EYS: variants seen among roughly 807,000 people sequenced by gnomAD.
The protein encoded by EYS is protein eyes shut homolog.
Under a neutral mutation model 282.1 loss-of-function variants are expected in EYS, and 250 were observed. That is an observed-to-expected ratio of 0.89 (90% confidence interval 0.80 to 0.98). The LOEUF (loss-of-function observed/expected upper bound fraction) is 0.98. EYS is among the 50% of genes least tolerant of loss of function. The pLI is 0.00. For missense variants in EYS, 4,016 were observed against 3,709.0 expected (o/e 1.08, Z -2.15); for synonymous variants, 1,355 against 1,282.9 (o/e 1.06, Z -1.20).
intron 26 of EYS, among the ~76,000 whole-genome samples, chr6:64,571,381 G>A (rs1765720470): frequency 1.3e-5 from 2 of 151,988 alleles, no homozygotes; most frequent in Admixed American, 6.6e-5. Context: ...GAAAGTAAGA[G>A]CAAACAAATT....
At chr6:64,262,334 A>T (rs1211404021) in intron 30 of EYS, among the ~76,000 whole-genome samples, 1 of 151,222 alleles carries the variant, frequency 6.6e-6, no homozygotes, top group Non-Finnish European at 1.5e-5. Context: ...TTTATATTGT[A>T]TATATTTAAT....
Position 64,425,511 on chromosome 6 carries a change from G to A in EYS, c.5927+10663C>T, listed in dbSNP as rs1012208655. 7.9e-5 allele frequency among the ~76,000 whole-genome samples: 12 copies of A among 151,830 alleles called. No homozygotes were observed. The East Asian group carries it at 1.2e-3, about 15-fold the overall frequency. On this transcript the variant is annotated intron_variant, in intron 28 of 42. Transcript: ENST00000503581. ...CTCTACTAAAAATCCAAAATTAGCCGGGTGTGGTGGTGTCTGCCTGTAATC... is the reference window on the plus strand; with the variant it reads ...CTCTACTAAAAATCCAAAATTAGCCAGGTGTGGTGGTGTCTGCCTGTAATC...
At chr6:65,565,612 G>C (rs1582462845) in intron 2 of EYS, among the ~76,000 whole-genome samples, 2 of 152,000 alleles carry the variant, frequency 1.3e-5, no homozygotes, top group African/African-American at 4.8e-5. Context: ...ATACCCAAAG[G>C]ATTATATATC....
At chr6:63,909,209 A>G (rs1425486131) in intron 35 of EYS, among the ~76,000 whole-genome samples, 1 of 152,200 alleles carries the variant, frequency 6.6e-6, no homozygotes. Context: ...ATATATCACC[A>G]CAGAGGGCAA....
intron 28 of EYS, among the ~76,000 whole-genome samples, chr6:64,407,779 T>C (rs1773767537): frequency 6.6e-6 from 1 of 152,208 alleles, no homozygotes; most frequent in African/African-American, 2.4e-5. Context: ...TTGCCCAGGC[T>C]GGAGTGCAAT....
intron 26 of EYS, among the ~76,000 whole-genome samples, chr6:64,505,739 C>T (rs1423014969): frequency 6.6e-6 from 1 of 152,186 alleles, no homozygotes; most frequent in Non-Finnish European, 1.5e-5. Context: ...TTCTTCCCAA[C>T]TTTAAGAATC....
intron 29 of EYS, among the ~76,000 whole-genome samples, chr6:64,371,552 A>T (rs2150414035): frequency 6.6e-6 from 1 of 151,968 alleles, no homozygotes; most frequent in Non-Finnish European, 1.5e-5. Context: ...TTGAATTGAG[A>T]TCCCAAATAT....
intron 9 of EYS, 58 bp downstream of exon 9, chr6:65,353,400 G>A: frequency 6.8e-7 from 1 of 1,472,814 alleles, no homozygotes; most frequent in South Asian, 1.1e-5. Context: ...ATGAATACGT[G>A]ACTAGCAAAT....
intron 5 of EYS, among the ~76,000 whole-genome samples, chr6:65,457,181 T>A (rs1405382893): frequency 6.6e-6 from 1 of 152,172 alleles, no homozygotes; most frequent in Non-Finnish European, 1.5e-5. Flanking sequence ...TTATTTATTT[T>A]TTTAGACTAG....
intron 12 of EYS, among the ~76,000 whole-genome samples, chr6:65,203,419 C>G (rs1765951914): frequency 1.3e-5 from 2 of 151,964 alleles, no homozygotes; most frequent in South Asian, 4.1e-4. Flanking sequence ...CTACCACAAC[C>G]CACAAAAAAA....
At chr6:63,843,966 A>G (rs1581884365) in intron 36 of EYS, among the ~76,000 whole-genome samples, 1 of 151,990 alleles carries the variant, frequency 6.6e-6, no homozygotes, top group Admixed American at 6.6e-5. Flanking sequence ...TGGGCATTAA[A>G]CCCAGCATCC....
chr6:63,858,739 A>T (rs1015647104), intron 36 of EYS, among the ~76,000 whole-genome samples: 2 of 152,178 alleles, frequency 1.3e-5, no homozygotes, highest in Non-Finnish European at 2.9e-5. Flanking sequence ...GGATACTAAG[A>T]TGTGTTGAAC....
chr6:64,680,653 C>T (rs757695361), intron 22 of EYS, among the ~76,000 whole-genome samples: 1 of 152,182 alleles, frequency 6.6e-6, no homozygotes, highest in Non-Finnish European at 1.5e-5. Flanking sequence ...TCCTTTTCTA[C>T]ACCCAACCCC....
At chr6:64,532,718 TAAATAAATTA>T (rs1764391486) in intron 26 of EYS, among the ~76,000 whole-genome samples, 1 of 151,956 alleles carries the variant, frequency 6.6e-6, no homozygotes, top group Admixed American at 6.6e-5. Context: ...CAAAAATAAA[TAAATAAATTA>T]AATTAAATTA....
intron 12 of EYS, among the ~76,000 whole-genome samples, chr6:65,162,090 T>C (rs1764863752): frequency 6.6e-6 from 1 of 151,234 alleles, no homozygotes; most frequent in South Asian, 2.1e-4. Flanking sequence ...AGTAGTGTGT[T>C]TTAATGGAAA....
chr6:64,258,797 GT>G (rs34041525), intron 30 of EYS, among the ~76,000 whole-genome samples: 104,210 of 151,470 alleles, frequency 0.69, 35,865 homozygotes, highest in South Asian at 0.71. Context: ...TTCCTTTACA[GT>G]TTTTTTTCCA....
At position 64,219,776 on chromosome 6, in the gene EYS, C is replaced by A. The variant is rs145919663; in HGVS notation, c.6424+10816G>T. Among the ~76,000 whole-genome samples the A allele has an allele frequency of 5.1e-3, 775 of 152,280 alleles. 8 individuals carry two copies. The highest frequency in any genetic ancestry group is 0.018 in the African/African-American group (742 of 41,542). ...ATTCACAATAGCAAAGACTTGGAACCAACCCAAATGTCCAACAATGATAGA... is the reference window on the plus strand; with the variant it reads ...ATTCACAATAGCAAAGACTTGGAACAAACCCAAATGTCCAACAATGATAGA... On this transcript the variant is annotated intron_variant, in intron 31 of 42. Coordinates refer to ENST00000503581, the MANE Select transcript of EYS (RefSeq NM_001142800.2).
intron 2 of EYS, among the ~76,000 whole-genome samples, chr6:65,599,241 T>C (rs376082626): frequency 6.6e-6 from 1 of 152,090 alleles, no homozygotes; most frequent in South Asian, 2.1e-4. Flanking sequence ...AAAATCTGCA[T>C]ATAAATGGAT....
chr6:65,512,414 G>A (rs1447742550), intron 2 of EYS, among the ~76,000 whole-genome samples: 12 of 150,332 alleles, frequency 8.0e-5, no homozygotes, highest in African/African-American at 2.5e-4. Flanking sequence ...GCATGAACCC[G>A]GGAGGCGGAG....
Sources: gnomAD v4.1 joint callset for allele counts (sites outside exome capture counted in the v4.1 genomes callset) on GRCh38, gnomAD v4.1.1 for gene constraint, MANE v1.5 for transcripts, NCBI Gene and HGNC (gene_info 2026-07-23, HGNC 2026-07-21) for gene names.